SYN2: variants seen among roughly 807,000 people sequenced by gnomAD.
SYN2 encodes the protein synapsin II, also known as synapsin-2.
SYN2 carries 19 observed loss-of-function variants against 50.9 expected under a neutral mutation model. The observed-to-expected ratio is 0.37, with a 90% confidence interval of 0.26 to 0.55. The LOEUF (loss-of-function observed/expected upper bound fraction) is 0.55, where lower values mean the gene tolerates loss of function less well. Among genes scored for constraint, SYN2 ranks in the 20% least tolerant of loss-of-function variants. SYN2 has a pLI of 0.81. For missense variants in SYN2, 587 were observed against 576.4 expected (o/e 1.02, Z -0.19); for synonymous variants, 255 against 224.9 (o/e 1.13, Z -1.20).
chr3:12,116,606 T>C (rs1696437869), intron 1 of SYN2, among the ~76,000 whole-genome samples: 1 of 152,260 alleles, frequency 6.6e-6, no homozygotes, highest in African/African-American at 2.4e-5. Context: ...ATGTGTTTTG[T>C]GGAGAACGAG....
At chr3:12,092,257 G>A (rs1307290286) in intron 1 of SYN2, among the ~76,000 whole-genome samples, 7 of 152,096 alleles carry the variant, frequency 4.6e-5, no homozygotes, top group Non-Finnish European at 8.8e-5. Flanking sequence ...AACTTTCCTC[G>A]CTATACTTTT....
chr3:12,066,380 A>G (rs904351961), intron 1 of SYN2, among the ~76,000 whole-genome samples: 2 of 152,208 alleles, frequency 1.3e-5, no homozygotes, highest in African/African-American at 4.8e-5. Flanking sequence ...GTCAGAAGTG[A>G]AAACACACAA....
At chr3:12,042,851 G>T (rs553466309) in intron 1 of SYN2, among the ~76,000 whole-genome samples, 1 of 152,246 alleles carries the variant, frequency 6.6e-6, no homozygotes, top group South Asian at 2.1e-4. Flanking sequence ...CTACAAGCTA[G>T]GGAATGGCAA....
At chr3:12,009,322 C>T (rs899802256) in intron 1 of SYN2, among the ~76,000 whole-genome samples, 2 of 121,020 alleles carry the variant, frequency 1.7e-5, no homozygotes, top group African/African-American at 3.8e-5. Context: ...GAACTTTAAT[C>T]TCTCTACCAT....
At chr3:12,094,012 A>G (rs1695880255) in intron 1 of SYN2, among the ~76,000 whole-genome samples, 1 of 151,940 alleles carries the variant, frequency 6.6e-6, no homozygotes, top group South Asian at 2.1e-4. Context: ...ACATGCCACC[A>G]CGCCCAGAAT....
At chr3:12,144,302 C>T (rs1004385409) in intron 3 of SYN2, among the ~76,000 whole-genome samples, 4 of 152,178 alleles carry the variant, frequency 2.6e-5, no homozygotes, top group Non-Finnish European at 4.4e-5. Flanking sequence ...TATTTGTACC[C>T]CTCCCTAGCC....
chr3:12,055,329 A>C (rs1477328504), intron 1 of SYN2, among the ~76,000 whole-genome samples: 1 of 152,178 alleles, frequency 6.6e-6, no homozygotes, highest in Non-Finnish European at 1.5e-5. Context: ...AAAACACTAC[A>C]TAACGATATT....
At chr3:12,050,046 C>T (rs760119806) in intron 1 of SYN2, among the ~76,000 whole-genome samples, 1 of 151,740 alleles carries the variant, frequency 6.6e-6, no homozygotes, top group Non-Finnish European at 1.5e-5. Context: ...ATTACAGGCA[C>T]CTGCCACCAC....
chr3:12,051,767 A>G (rs1158586709), intron 1 of SYN2, among the ~76,000 whole-genome samples: 1 of 152,208 alleles, frequency 6.6e-6, no homozygotes, highest in Non-Finnish European at 1.5e-5. Context: ...GTTGTCAAGA[A>G]TGTTCTTTGG....
intron 1 of SYN2, among the ~76,000 whole-genome samples, chr3:12,066,881 T>C (rs186776709): frequency 1.2e-3 from 177 of 152,132 alleles, no homozygotes; most frequent in African/African-American, 4.1e-3. Flanking sequence ...GGCAGAAGGG[T>C]ATCACTTCTC....
intron 1 of SYN2, among the ~76,000 whole-genome samples, chr3:12,129,048 GAAT>G (rs1436626987): frequency 1.3e-5 from 2 of 150,932 alleles, no homozygotes; most frequent in Non-Finnish European, 3.0e-5. Context: ...AAATAACGAA[GAAT>G]AATAAAATGA....
At position 12,158,555 on chromosome 3, in the gene SYN2, T is replaced by C; in HGVS notation, c.775-2991T>C. The C allele has an allele frequency of 2.5e-6, 3 of 1,216,224 alleles. No individual in the cohort carries two copies. The South Asian group carries it at 4.4e-5, about 18-fold the overall frequency. 75.3% of individuals were successfully genotyped at this position (1,216,224 alleles called of 1,614,324 possible). A position where few individuals can be genotyped will look rare whatever the true frequency, so the allele number is the denominator to read the frequency against. On this transcript the variant is annotated intron_variant, in intron 5 of 12. Transcript: ENST00000621198. ...CTTGCAAGGTTGCTATGGCGCCTGG[T>C]CCTTCTCCACCCATCAGCCTCAGCA...
At chr3:12,170,760 T>C (rs1440216853) in intron 10 of SYN2, among the ~76,000 whole-genome samples, 1 of 152,238 alleles carries the variant, frequency 6.6e-6, no homozygotes, top group Non-Finnish European at 1.5e-5. Flanking sequence ...AGTTTTTTTA[T>C]TTATTAATGA....
At chr3:12,010,236 A>G (rs183288795) in intron 1 of SYN2, among the ~76,000 whole-genome samples, 5 of 152,338 alleles carry the variant, frequency 3.3e-5, no homozygotes, top group African/African-American at 9.6e-5. Context: ...TAGCGTTCCT[A>G]TCTACCTAAG....
chr3:12,163,240 T>C (rs1241779291), intron 7 of SYN2, among the ~76,000 whole-genome samples: 1 of 24,690 alleles, frequency 4.1e-5, no homozygotes, highest in East Asian at 2.3e-3. Context: ...AGACTCTGTC[T>C]CAAAAAAAAA....
At chr3:12,092,171 T>G (rs868448166) in intron 1 of SYN2, among the ~76,000 whole-genome samples, 1 of 152,206 alleles carries the variant, frequency 6.6e-6, no homozygotes, top group African/African-American at 2.4e-5. Flanking sequence ...AATCTGAACT[T>G]TTTTTAGACT....
chr3:12,119,971 T>G (rs2125201617), intron 1 of SYN2, among the ~76,000 whole-genome samples: 1 of 152,258 alleles, frequency 6.6e-6, no homozygotes, highest in South Asian at 2.1e-4. Flanking sequence ...AGATTTAAGT[T>G]CAAAGGTTTT....
At chr3:12,144,702 T>G (rs1697104537) in intron 3 of SYN2, among the ~76,000 whole-genome samples, 1 of 152,236 alleles carries the variant, frequency 6.6e-6, no homozygotes, top group African/African-American at 2.4e-5. Context: ...GTCAGAATTC[T>G]GTTCCTCAAA....
intron 7 of SYN2, among the ~76,000 whole-genome samples, chr3:12,163,143 G>A (rs1697695128): frequency 6.6e-6 from 1 of 150,838 alleles, no homozygotes; most frequent in African/African-American, 2.4e-5. Flanking sequence ...TCAGGAGGCT[G>A]AGGCAGGAGA....
Sources: gnomAD v4.1 joint callset for allele counts (sites outside exome capture counted in the v4.1 genomes callset) on GRCh38, gnomAD v4.1.1 for gene constraint, MANE v1.5 for transcripts, NCBI Gene and HGNC (gene_info 2026-07-23, HGNC 2026-07-21) for gene names.